The following FARP1 variants were observed in gnomAD, a reference collection of about 807,000 sequenced individuals.
FARP1 encodes FERM, ARH/RhoGEF and pleckstrin domain protein 1.
A neutral mutation model predicts 128.8 loss-of-function variants in FARP1; 52 were observed. That is an observed-to-expected ratio of 0.40 (90% CI 0.32 to 0.51). The LOEUF is 0.51. Ranked by LOEUF, FARP1 falls within the 20% of genes least tolerant of loss-of-function variation. FARP1 has a pLI of 0.45. For synonymous variants in FARP1, 580 were observed against 551.8 expected, an observed-to-expected ratio of 1.05 and a Z score of -0.72; for missense variants, 1,333 against 1,367.9, an observed-to-expected ratio of 0.97 and a Z score of 0.40.
At chr13:98,439,376 A>G (rs1892428698) in intron 21 of FARP1, among the ~76,000 whole-genome samples, 180 bp downstream of exon 21, 1 of 152,184 alleles carries the variant, frequency 6.6e-6, no homozygotes. Flanking sequence ...CTTTCACCTA[A>G]AAGCTCGAGC....
intron 1 of FARP1, among the ~76,000 whole-genome samples, chr13:98,189,671 A>AT (rs1879101005): frequency 6.6e-6 from 1 of 152,238 alleles, no homozygotes; most frequent in African/African-American, 2.4e-5. Flanking sequence ...TGCCATGCAT[A>AT]TTATAGAAAA....
In FARP1 at chr13:98,176,089, A is replaced by C. The variant is rs1877994119; in HGVS notation, c.-24+32597A>C. 5 of 1,300,878 alleles carry C rather than the reference A, an allele frequency of 3.8e-6. No homozygotes were observed. The highest frequency in any genetic ancestry group is 5.5e-6 in the Non-Finnish European group (5 of 905,914). The allele number at this position is 1,300,878 out of a possible 1,614,324, so 80.6% of individuals were successfully genotyped here. ...GTTACATACTCAGGCATGGGATTGC[A>C]GGAAGACTGTCATCTCTCTCATCTT... On this transcript the variant is annotated intron_variant, in intron 1 of 26. Coordinates refer to ENST00000319562, the MANE Select transcript of FARP1 (RefSeq NM_005766.4). This position sits in a 1 kb window ranked among gnomAD's most constrained non-coding sequence, Gnocchi z 6.2.
intron 2 of FARP1, among the ~76,000 whole-genome samples, chr13:98,287,932 G>A (rs1180410676): frequency 6.6e-6 from 1 of 151,922 alleles, no homozygotes; most frequent in East Asian, 2.0e-4. Context: ...CTCCCGAGTA[G>A]CTGGGACTAC....
chr13:98,361,195 G>T (rs1051006337), intron 3 of FARP1, among the ~76,000 whole-genome samples: 5 of 152,228 alleles, frequency 3.3e-5, no homozygotes, highest in East Asian at 3.9e-4. Flanking sequence ...CTGCAATCTC[G>T]CTGGGAAACA....
intron 2 of FARP1, among the ~76,000 whole-genome samples, chr13:98,213,701 T>C (rs890668635): frequency 6.6e-6 from 1 of 152,216 alleles, no homozygotes; most frequent in African/African-American, 2.4e-5. Context: ...AGTGCATATG[T>C]ATATGTTATG....
At position 98,390,859 on chromosome 13, in the gene FARP1, A is replaced by T; in HGVS notation, c.1067A>T (p.His356Leu). The part of the protein sequence containing the change: ...QVLDYVKEGG[H>L]KKVQFERKHS... ...CTCGACTATGTTAAAGAAGGAGGACATAAGAAGGTGCAGTTTGAAAGGTAA... is the reference window on the plus strand; with the variant it reads ...CTCGACTATGTTAAAGAAGGAGGACTTAAGAAGGTGCAGTTTGAAAGGTAA... Residue 356 changes from histidine (H) to leucine (L), a missense_variant, in exon 11 of 27, where the codon CAT becomes CTT. By Grantham distance (99) the His-to-Leu change is moderately conservative (BLOSUM62 -3). Coordinates refer to ENST00000319562, the MANE Select transcript of FARP1 (RefSeq NM_005766.4). 2 of 1,613,596 alleles carry T rather than the reference A, an allele frequency of 1.2e-6. No homozygotes were observed. The highest frequency in any genetic ancestry group is 4.5e-5 in the East Asian group (2 of 44,870).
At position 98,298,122 on chromosome 13, in the gene FARP1, C is replaced by T. The variant is rs78773452; in HGVS notation, c.172-45640C>T. On this transcript the variant is annotated intron_variant, in intron 2 of 26. Transcript: ENST00000319562. ...GGAACTGCCCCAAGCCCCAGAGCTG[C>T]GCAGCACGGTGGCCCTGCGTGTGCT... 5.9e-3 allele frequency among the ~76,000 whole-genome samples: 895 copies of T among 152,300 alleles called. 8 individuals carry two copies. Among genetic ancestry groups the T allele is most frequent in the African/African-American group, 0.021 (855 of 41,570 alleles).
chr13:98,257,004 C>A (rs1276743592), intron 2 of FARP1, among the ~76,000 whole-genome samples: 1 of 102,556 alleles, frequency 9.8e-6, no homozygotes. Flanking sequence ...GAAAGATTTC[C>A]CTTCTGAAGG....
chr13:98,192,683 G>C (rs13329018), intron 1 of FARP1, among the ~76,000 whole-genome samples: 5,336 of 152,112 alleles, frequency 0.035, 305 homozygotes, highest in African/African-American at 0.12. Context: ...GAGTCACTGC[G>C]CCCGGCTGAC....
intron 2 of FARP1, among the ~76,000 whole-genome samples, chr13:98,330,500 C>T (rs1887456819): frequency 6.6e-6 from 1 of 152,058 alleles, no homozygotes; most frequent in South Asian, 2.1e-4. Context: ...TGGTGGCTCA[C>T]TCCCAGCACT....
intron 13 of FARP1, chr13:98,397,468 T>C (rs1041465307): frequency 2.0e-5 from 3 of 152,202 alleles, no homozygotes; most frequent in African/African-American, 7.2e-5. Flanking sequence ...TACTTGGATG[T>C]TTCTCTGAGC....
intron 1 of FARP1, chr13:98,159,581 C>T (rs1876729415): frequency 6.6e-6 from 1 of 151,694 alleles, no homozygotes; most frequent in South Asian, 2.1e-4. Context: ...AAGCGATTCT[C>T]CTGTCTCGAC....
intron 1 of FARP1, among the ~76,000 whole-genome samples, chr13:98,186,552 A>G (rs930779063): frequency 1.5e-4 from 23 of 152,132 alleles, no homozygotes; most frequent in African/African-American, 5.3e-4. Context: ...GGCTAATTTC[A>G]CTTAGCATAA....
chr13:98,206,489 G>A (rs1185688395), intron 1 of FARP1, among the ~76,000 whole-genome samples: 2 of 152,150 alleles, frequency 1.3e-5, no homozygotes, highest in Non-Finnish European at 2.9e-5. Context: ...TCTGAGATCT[G>A]TAGCCATGAG....
chr13:98,381,568 T>C (rs1889888860), intron 6 of FARP1: 1 of 152,216 alleles, frequency 6.6e-6, no homozygotes, highest in Non-Finnish European at 1.5e-5. Flanking sequence ...GACAAGCTGA[T>C]GAAGAGAAGA....
At chr13:98,378,464 G>T (rs548937301) in intron 6 of FARP1, among the ~76,000 whole-genome samples, 7 of 152,148 alleles carry the variant, frequency 4.6e-5, no homozygotes, top group South Asian at 4.2e-4. Flanking sequence ...AAGCCACCTG[G>T]GTGTTTTTTC....
intron 13 of FARP1, chr13:98,407,431 T>G (rs1404395201): frequency 6.6e-6 from 1 of 152,152 alleles, no homozygotes; most frequent in Non-Finnish European, 1.5e-5. Flanking sequence ...CACGTTCCAC[T>G]TCCTTTGCAA....
rs10571699 is a variant in FARP1, at chr13:98,229,685, CTTT to C, written c.171+16286_171+16288del. Reference sequence around the variant, plus strand: ...TAGATGATTATTATATACTTTATTTCTTTTTTTTTTTTTTTTAATAAAGATGGC... The same window carrying C: ...TAGATGATTATTATATACTTTATTTCTTTTTTTTTTTTTAATAAAGATGGC... On this transcript the variant is annotated intron_variant, in intron 2 of 26. Transcript: ENST00000319562. Among the ~76,000 whole-genome samples, 777 of 140,448 alleles carry C rather than the reference CTTT, an allele frequency of 5.5e-3. 2 individuals carry two copies. Among genetic ancestry groups the C allele is most frequent in the East Asian group, 0.013 (63 of 4,850 alleles). The allele number at this position is 140,448 out of a possible 152,430, so 92.1% of individuals were successfully genotyped here. A position where few individuals can be genotyped will look rare whatever the true frequency, so the allele number is the denominator to read the frequency against.
intron 1 of FARP1, among the ~76,000 whole-genome samples, chr13:98,191,836 G>C (rs1461072150): frequency 6.6e-6 from 1 of 152,182 alleles, no homozygotes; most frequent in African/African-American, 2.4e-5. Context: ...TCAGCTACTC[G>C]GGAGGCTGAA....
Sources: gnomAD v4.1 joint callset for allele counts (sites outside exome capture counted in the v4.1 genomes callset) on GRCh38, gnomAD v4.1.1 for gene constraint, Gnocchi (gnomAD v3.1) non-coding constraint, MANE v1.5 for transcripts, NCBI Gene and HGNC (gene_info 2026-07-23, HGNC 2026-07-21) for gene names.